The following EPB41L5 variants were observed in gnomAD, a reference collection of about 807,000 sequenced individuals.
EPB41L5 encodes the protein band 4.1-like protein 5.
In EPB41L5, 55 loss-of-function variants were observed where a neutral mutation model predicts 106.6. The ratio of observed to expected loss-of-function variants is 0.52; its 90% CI spans 0.42 to 0.65. EPB41L5 has a LOEUF of 0.65. Ranked by LOEUF, EPB41L5 falls within the 30% of genes least tolerant of loss-of-function variation. The pLI is 0.00. For missense variants in EPB41L5, 871 were observed against 882.1 expected (o/e 0.99, Z 0.16); for synonymous variants, 297 against 306.7 (o/e 0.97, Z 0.33).
At chr2:120,123,085 A>G (rs1001566962) in intron 16 of EPB41L5, among the ~76,000 whole-genome samples, 4 of 152,156 alleles carry the variant, frequency 2.6e-5, no homozygotes, top group African/African-American at 9.7e-5. Flanking sequence ...AGCCCAGGAT[A>G]TGGTGGTCTG....
At position 120,042,117 on chromosome 2, in the gene EPB41L5, A is replaced by G; in HGVS notation, c.285+7A>G. The stretch of plus-strand genomic sequence containing the variant: ...GGATTCAGCACAAGTAGCAGTGAGT[A>G]ACTGTTTTTTGGAAGTTTTAGCATA... On this transcript the variant is annotated splice_region_variant and intron_variant, in intron 3 of 24. Transcript: ENST00000263713. 2 of 1,608,870 alleles carry G rather than the reference A, an allele frequency of 1.2e-6. No individual in the cohort carries two copies. Among genetic ancestry groups the G allele is most frequent in the Non-Finnish European group, 1.7e-6 (2 of 1,175,740 alleles).
intron 16 of EPB41L5, among the ~76,000 whole-genome samples, chr2:120,117,176 C>G (rs1293973890): frequency 1.3e-5 from 2 of 152,154 alleles, no homozygotes; most frequent in African/African-American, 2.4e-5. Flanking sequence ...TGCCAACACT[C>G]TAACTCCCAA....
At chr2:120,050,708 C>T (rs930681133) in intron 3 of EPB41L5, among the ~76,000 whole-genome samples, 4 of 152,334 alleles carry the variant, frequency 2.6e-5, no homozygotes, top group Middle Eastern at 3.4e-3. Context: ...CGAGGAGCTG[C>T]GTTCCTTTGG....
chr2:120,050,401 A>G (rs1451686856), intron 3 of EPB41L5, among the ~76,000 whole-genome samples: 1 of 151,964 alleles, frequency 6.6e-6, no homozygotes, highest in Admixed American at 6.6e-5. Flanking sequence ...ACTTCATTTC[A>G]TTCATTTGAT....
Position 120,103,086 on chromosome 2 carries a change from T to A in EPB41L5, c.1337+2272T>A, listed in dbSNP as rs563452217. 2.1e-4 allele frequency among the ~76,000 whole-genome samples: 32 copies of A among 152,338 alleles called. No homozygotes were observed. In the East Asian group the frequency reaches 5.6e-3, roughly 27 times the overall value. The stretch of plus-strand genomic sequence containing the variant: ...TGAAAAATTATTTTAGTTAATTTAT[T>A]TTCAGTTTCCCTAAGGGATAAAGGT... On this transcript the variant is annotated intron_variant, in intron 16 of 24. Transcript: ENST00000263713.
intron 18 of EPB41L5, among the ~76,000 whole-genome samples, chr2:120,136,978 A>G (rs1199283150): frequency 1.3e-5 from 2 of 152,096 alleles, no homozygotes; most frequent in African/African-American, 4.8e-5. Flanking sequence ...ATGTTAAGTC[A>G]CAAAACAAGT....
intron 20 of EPB41L5, among the ~76,000 whole-genome samples, chr2:120,157,816 T>A: frequency 1.4e-5 from 2 of 141,858 alleles, no homozygotes; most frequent in African/African-American, 2.6e-5. Flanking sequence ...GATCAATGAA[T>A]CCAGGAGTTG....
At chr2:120,021,089 C>T (rs1677891603) in intron 2 of EPB41L5, among the ~76,000 whole-genome samples, 1 of 152,176 alleles carries the variant, frequency 6.6e-6, no homozygotes, top group African/African-American at 2.4e-5. Context: ...TGCCTGTAAT[C>T]CCAGCACTTT....
intron 21 of EPB41L5, among the ~76,000 whole-genome samples, chr2:120,161,497 A>G (rs1020217948): frequency 1.4e-4 from 22 of 152,216 alleles, no homozygotes; most frequent in African/African-American, 5.1e-4. Flanking sequence ...TACTTTGTTT[A>G]TATTTTGGGG....
At chr2:120,017,435 T>G (rs1333044420) in intron 1 of EPB41L5, among the ~76,000 whole-genome samples, 1 of 152,248 alleles carries the variant, frequency 6.6e-6, no homozygotes, top group Non-Finnish European at 1.5e-5. Flanking sequence ...GCTTCTTGTT[T>G]TCTTTGGAAT....
At position 120,028,522 on chromosome 2, in the gene EPB41L5, A is replaced by G. The variant is rs565358340; in HGVS notation, c.180+9258A>G. Among the ~76,000 whole-genome samples the G allele has an allele frequency of 3.3e-5, 5 of 152,202 alleles. No homozygotes were observed. In the South Asian group the frequency reaches 1.0e-3, roughly 32 times the overall value. On this transcript the variant is annotated intron_variant, in intron 2 of 24. Coordinates refer to ENST00000263713, the MANE Select transcript of EPB41L5 (RefSeq NM_020909.4). ...CTGCACTCCCGTGTGGGCAACAGAG[A>G]AAAAAACAACAAAAGAAAGATACAT...
At chr2:120,050,033 A>G (rs1054452110) in intron 3 of EPB41L5, among the ~76,000 whole-genome samples, 8 of 152,134 alleles carry the variant, frequency 5.3e-5, no homozygotes, top group South Asian at 2.1e-4. Flanking sequence ...CAAGAGATCC[A>G]CTGTTAGTCT....
intron 3 of EPB41L5, among the ~76,000 whole-genome samples, chr2:120,054,736 C>T (rs1473618207): frequency 6.6e-6 from 1 of 152,116 alleles, no homozygotes; most frequent in East Asian, 1.9e-4. Context: ...GTGATCCTAA[C>T]ACCACTTGTT....
Position 120,074,095 on chromosome 2 carries a change from G to A in EPB41L5, c.329-5G>A, listed in dbSNP as rs772760398. 1.9e-6 allele frequency: 3 copies of A among 1,553,668 alleles called. No individual in the cohort carries two copies. The highest frequency in any genetic ancestry group is 1.9e-5 in the Admixed American group (1 of 53,196). ...ATTAAAACCTTTTTTTTTTTTAAAT[G>A]ACAGTTGGTTCACCCTATTGTCTGC... On this transcript the variant is annotated splice_region_variant and splice_polypyrimidine_tract_variant and intron_variant, in intron 4 of 24. Transcript: ENST00000263713.
At chr2:120,174,087 G>C (rs192776592) in intron 24 of EPB41L5, among the ~76,000 whole-genome samples, 62 of 152,264 alleles carry the variant, frequency 4.1e-4, no homozygotes, top group African/African-American at 1.4e-3. Flanking sequence ...GAGCCCATGA[G>C]GGCTTCTTTT....
chr2:120,100,209 T>C (rs766880803), intron 14 of EPB41L5, 35 bp from the exon 15 acceptor site: 1 of 1,574,260 alleles, frequency 6.4e-7, no homozygotes, highest in South Asian at 1.1e-5. Flanking sequence ...AAATTTCATA[T>C]AGGGTTTTTA....
intron 20 of EPB41L5, among the ~76,000 whole-genome samples, chr2:120,160,145 A>G (rs1267909555): frequency 6.6e-6 from 1 of 152,220 alleles, no homozygotes; most frequent in African/African-American, 2.4e-5. Context: ...TGACAGAATA[A>G]TCTGTACAAC....
At chr2:120,040,471 T>G (rs1004980135) in intron 2 of EPB41L5, among the ~76,000 whole-genome samples, 1 of 152,180 alleles carries the variant, frequency 6.6e-6, no homozygotes, top group African/African-American at 2.4e-5. Context: ...CAACTGTCAT[T>G]CGAGTGAGGG....
chr2:120,136,501 G>T (rs1373619218), intron 18 of EPB41L5, among the ~76,000 whole-genome samples: 1 of 148,322 alleles, frequency 6.7e-6, no homozygotes. Flanking sequence ...ATGATCAGCT[G>T]CCTACAAGAT....
Sources: allele counts gnomAD v4.1 joint callset (sites outside exome capture counted in the v4.1 genomes callset), GRCh38; gene constraint gnomAD v4.1.1; transcripts MANE v1.5; gene names NCBI Gene and HGNC (gene_info 2026-07-23, HGNC 2026-07-21).